The following TBC1D22A variants were observed in gnomAD, a reference collection of about 807,000 sequenced individuals.
TBC1D22A encodes the protein TBC1 domain family member 22A, also known as putative GTPase activator.
A neutral mutation model predicts 60.2 loss-of-function variants in TBC1D22A; 38 were observed. That is an observed-to-expected ratio of 0.63 (90% CI 0.49 to 0.83). The LOEUF is 0.83. Ranked by LOEUF, TBC1D22A falls within the 40% of genes least tolerant of loss-of-function variation. TBC1D22A has a pLI of 0.00. For missense variants in TBC1D22A, 628 were observed against 701.0 expected (o/e 0.90, Z 1.18); for synonymous variants, 302 against 281.7 (o/e 1.07, Z -0.72).
chr22:46,792,952 C>G, intron 2 of TBC1D22A: 3 of 1,132,546 alleles, frequency 2.6e-6, no homozygotes, highest in Non-Finnish European at 3.6e-6. Context: ...CTGTCCTGGC[C>G]CCTCCACAGC....
intron 11 of TBC1D22A, among the ~76,000 whole-genome samples, chr22:47,081,371 T>G (rs974992063): frequency 6.6e-6 from 1 of 152,202 alleles, no homozygotes; most frequent in African/African-American, 2.4e-5. Flanking sequence ...TCATAGAGTC[T>G]CACATCTTAC....
chr22:47,018,830 A>C (rs2061987537), intron 10 of TBC1D22A, among the ~76,000 whole-genome samples: 2 of 152,094 alleles, frequency 1.3e-5, no homozygotes, highest in Admixed American at 1.3e-4. Flanking sequence ...GAAACACGGG[A>C]TCCTCAGGGC....
At chr22:47,111,228 C>T (rs961181750) in intron 11 of TBC1D22A, among the ~76,000 whole-genome samples, 4 of 152,210 alleles carry the variant, frequency 2.6e-5, no homozygotes, top group Admixed American at 1.3e-4. Flanking sequence ...CTATTGTCTG[C>T]GCAAGAGAGA....
chr22:46,847,962 C>T (rs910258125), intron 4 of TBC1D22A, among the ~76,000 whole-genome samples: 3 of 147,618 alleles, frequency 2.0e-5, no homozygotes, highest in African/African-American at 5.1e-5. Flanking sequence ...TGTGCGCGCG[C>T]GCACGCGCTC....
intron 8 of TBC1D22A, among the ~76,000 whole-genome samples, chr22:46,947,429 G>A (rs891026277): frequency 1.3e-5 from 2 of 152,190 alleles, no homozygotes; most frequent in African/African-American, 2.4e-5. Context: ...ACGGTTGGAC[G>A]TTTGAGACCC....
intron 8 of TBC1D22A, among the ~76,000 whole-genome samples, chr22:46,930,263 A>G (rs574545998): frequency 6.6e-6 from 1 of 152,146 alleles, no homozygotes; most frequent in East Asian, 1.9e-4. Context: ...TGTATATTGT[A>G]TTATAGTATC....
chr22:46,935,500 C>G (rs2071596430), intron 8 of TBC1D22A, among the ~76,000 whole-genome samples: 1 of 152,240 alleles, frequency 6.6e-6, no homozygotes, highest in Non-Finnish European at 1.5e-5. Flanking sequence ...AGTTAGAAAC[C>G]ATGAAGCTTC....
chr22:47,140,442 C>G (rs932749488), intron 12 of TBC1D22A, among the ~76,000 whole-genome samples: 2 of 151,814 alleles, frequency 1.3e-5, no homozygotes, highest in East Asian at 1.9e-4. Flanking sequence ...ACCTGTAGTC[C>G]CAGCTACTGG....
intron 12 of TBC1D22A, among the ~76,000 whole-genome samples, chr22:47,125,663 C>G (rs1173825317): frequency 6.6e-6 from 1 of 152,178 alleles, no homozygotes; most frequent in Admixed American, 6.5e-5. Context: ...ATCTTTAAGT[C>G]TAAAACAAGT....
At chr22:47,013,027 G>C (rs2061800357) in intron 10 of TBC1D22A, among the ~76,000 whole-genome samples, 1 of 152,118 alleles carries the variant, frequency 6.6e-6, no homozygotes, top group Non-Finnish European at 1.5e-5. Flanking sequence ...ACCGGGAGAG[G>C]GCTCCCTGCA....
At chr22:46,994,489 C>A (rs1265785920) in intron 9 of TBC1D22A, among the ~76,000 whole-genome samples, 2 of 152,012 alleles carry the variant, frequency 1.3e-5, no homozygotes, top group African/African-American at 4.8e-5. Context: ...CAAGCTGACT[C>A]CAGGTCTGTC....
At chr22:46,855,685 C>G (rs1237250080) in intron 4 of TBC1D22A, among the ~76,000 whole-genome samples, 2 of 152,098 alleles carry the variant, frequency 1.3e-5, no homozygotes, top group Admixed American at 1.3e-4. Context: ...CAGATCCAGG[C>G]TCCCGCAAGA....
At position 47,169,698 on chromosome 22, in the gene TBC1D22A, G is replaced by A. The variant is rs1200481030; in HGVS notation, c.1426-3800G>A. Among the ~76,000 whole-genome samples the A allele has an allele frequency of 2.0e-5, 3 of 152,200 alleles. No individual in the cohort carries two copies. In the East Asian group the frequency reaches 5.8e-4, roughly 29 times the overall value. On this transcript the variant is annotated intron_variant, in intron 12 of 12. Coordinates refer to ENST00000337137, the MANE Select transcript of TBC1D22A (RefSeq NM_014346.5). ...TGGCTGTGGCTTTGTTGAGATGGTG[G>A]TGCCCCAGGGACCGGGGGAGGGACG...
intron 12 of TBC1D22A, among the ~76,000 whole-genome samples, chr22:47,151,213 T>C (rs114950270): frequency 0.015 from 2,253 of 152,280 alleles, 47 homozygotes; most frequent in African/African-American, 0.052. Context: ...AACACACTTT[T>C]AAACGCTGCG....
At chr22:46,995,027 G>T (rs901173505) in intron 9 of TBC1D22A, among the ~76,000 whole-genome samples, 2 of 152,210 alleles carry the variant, frequency 1.3e-5, no homozygotes, top group Non-Finnish European at 2.9e-5. Context: ...AGGTGCCTGG[G>T]TCTCACTGAC....
chr22:47,171,451 C>T (rs760374183), intron 12 of TBC1D22A, among the ~76,000 whole-genome samples: 39 of 152,142 alleles, frequency 2.6e-4, no homozygotes, highest in Admixed American at 3.3e-4. Context: ...GGCAAATTCT[C>T]GAGGACCAGA....
intron 11 of TBC1D22A, among the ~76,000 whole-genome samples, chr22:47,061,097 G>C (rs1422412905): frequency 6.6e-6 from 1 of 151,134 alleles, no homozygotes; most frequent in Non-Finnish European, 1.5e-5. Context: ...GAGCCACGCT[G>C]TCTTCCTCGG....
intron 7 of TBC1D22A, among the ~76,000 whole-genome samples, chr22:46,902,843 C>G (rs911018813): frequency 6.6e-6 from 1 of 152,270 alleles, no homozygotes; most frequent in Non-Finnish European, 1.5e-5. Context: ...TCCTCAGCAG[C>G]GCACAGTTGA....
chr22:47,065,184 G>A (rs891650825), intron 11 of TBC1D22A, among the ~76,000 whole-genome samples: 1 of 152,122 alleles, frequency 6.6e-6, no homozygotes, highest in Admixed American at 6.5e-5. Flanking sequence ...TTTTATTAGA[G>A]ACAGGGTTTC....
Sources: allele counts gnomAD v4.1 joint callset (sites outside exome capture counted in the v4.1 genomes callset), GRCh38; gene constraint gnomAD v4.1.1; transcripts MANE v1.5; gene names NCBI Gene and HGNC (gene_info 2026-07-23, HGNC 2026-07-21).